Variants in EDA observed in about 807,000 individuals in gnomAD.
EDA encodes ectodysplasin A, also known as ectodysplasin-A.
Under a neutral mutation model 23.6 loss-of-function variants are expected in EDA, and 2 were observed. The observed-to-expected ratio is 0.08, with a 90% CI of 0.03 to 0.27. EDA has a LOEUF of 0.27. Ranked by LOEUF, EDA falls within the 10% of genes least tolerant of loss-of-function variation. EDA has a pLI of 1.00. For synonymous variants in EDA, 131 were observed against 132.0 expected, an observed-to-expected ratio of 0.99 and a Z score of 0.05; for missense variants, 229 against 324.2, an observed-to-expected ratio of 0.71 and a Z score of 2.26.
chrX:69,931,122 A>G (rs1423557764), intron 1 of EDA, among the ~76,000 whole-genome samples: 3 of 111,485 alleles, frequency 2.7e-5, no homozygotes, highest in African/African-American at 9.8e-5. Context: ...GGCTTATTAG[A>G]AAGCTACAGT....
rs754347108 is a variant in EDA, at chrX:69,681,501, C to T, written c.396+64797C>T. On this transcript the variant is annotated intron_variant, in intron 1 of 7. Coordinates refer to ENST00000374552, the MANE Select transcript of EDA (RefSeq NM_001399.5). ...GGTCTTTTCACATAGTCCCATATTT[C>T]TTGGAGGCTTTGCTCGTTTCTTTTT... Among the ~76,000 whole-genome samples, 3 of 111,383 alleles carry T rather than the reference C, an allele frequency of 2.7e-5. No homozygotes were observed. The South Asian group carries it at 1.2e-3, about 43-fold the overall frequency.
intron 2 of EDA, among the ~76,000 whole-genome samples, chrX:69,960,374 A>G (rs2019081816): frequency 9.0e-6 from 1 of 111,587 alleles, no homozygotes; most frequent in African/African-American, 3.3e-5. Flanking sequence ...TTCAGGAACT[A>G]AACAGGTAGA....
intron 1 of EDA, among the ~76,000 whole-genome samples, chrX:69,943,673 T>C (rs1004759204): frequency 1.0e-4 from 11 of 110,522 alleles, no homozygotes; most frequent in African/African-American, 3.0e-4. Context: ...AACCACTGCC[T>C]GGCTACTGCC....
chrX:69,905,873 A>G (rs942082037), intron 1 of EDA, among the ~76,000 whole-genome samples: 9 of 111,122 alleles, frequency 8.1e-5, no homozygotes, highest in Non-Finnish European at 3.8e-5. Flanking sequence ...ACTGCTATAA[A>G]TTTCCATATC....
intron 1 of EDA, among the ~76,000 whole-genome samples, chrX:69,800,083 A>T (rs1308374971): frequency 8.9e-6 from 1 of 111,763 alleles, no homozygotes; most frequent in Admixed American, 9.5e-5. Context: ...TTGAAACTGG[A>T]GGTCATTATG....
At chrX:69,689,378 C>A (rs1934640148) in intron 1 of EDA, among the ~76,000 whole-genome samples, 1 of 107,065 alleles carries the variant, frequency 9.3e-6, no homozygotes, top group Admixed American at 1.0e-4. Flanking sequence ...TCACTGCAAA[C>A]TCCGCTTCCT....
intron 1 of EDA, among the ~76,000 whole-genome samples, chrX:69,920,443 G>A (rs1366303753): frequency 1.8e-5 from 2 of 111,068 alleles, no homozygotes; most frequent in East Asian, 5.6e-4. Context: ...TTCCATCCAA[G>A]ATGCCACAGT....
At chrX:69,783,508 A>T (rs750648254) in intron 1 of EDA, among the ~76,000 whole-genome samples, 1 of 102,397 alleles carries the variant, frequency 9.8e-6, no homozygotes, top group Admixed American at 1.1e-4. Context: ...TCATTGTTCA[A>T]TTCCCACCTA....
At chrX:69,732,840 C>T (rs2013092753) in intron 1 of EDA, among the ~76,000 whole-genome samples, 1 of 112,310 alleles carries the variant, frequency 8.9e-6, no homozygotes, top group Non-Finnish European at 1.9e-5. Flanking sequence ...TTGCATTTCT[C>T]TAATGGCCAG....
At chrX:70,022,287 T>C (rs891725822) in intron 2 of EDA, among the ~76,000 whole-genome samples, 1 of 111,551 alleles carries the variant, frequency 9.0e-6, no homozygotes, top group Non-Finnish European at 1.9e-5. Context: ...GTGATTTCAC[T>C]GCCAATGAAA....
At chrX:69,897,629 A>T (rs1016419550) in intron 1 of EDA, among the ~76,000 whole-genome samples, 7 of 111,768 alleles carry the variant, frequency 6.3e-5, no homozygotes, top group Non-Finnish European at 1.1e-4. Context: ...TTCTTGAGAG[A>T]TAGATGTTTA....
chrX:69,839,445 CTAAT>C (rs1331623843), intron 1 of EDA, among the ~76,000 whole-genome samples: 2 of 112,145 alleles, frequency 1.8e-5, no homozygotes, highest in Non-Finnish European at 3.8e-5. Context: ...GCTTAGCTAA[CTAAT>C]TGAGAGAAAG....
At chrX:69,983,546 G>A (rs200695936) in intron 2 of EDA, among the ~76,000 whole-genome samples, 1,208 of 19,510 alleles carry the variant, frequency 0.062, 172 homozygotes, top group East Asian at 0.59. Flanking sequence ...TGAAATTCTG[G>A]GTTGAAAATT....
At chrX:69,688,601 A>G (rs1353449434) in intron 1 of EDA, among the ~76,000 whole-genome samples, 1 of 110,843 alleles carries the variant, frequency 9.0e-6, no homozygotes, top group East Asian at 2.9e-4. Flanking sequence ...GGGTTTTGCT[A>G]TGTTGGCCAG....
chrX:69,699,356 A>C (rs1052652490), intron 1 of EDA, among the ~76,000 whole-genome samples: 2 of 110,857 alleles, frequency 1.8e-5, no homozygotes, highest in African/African-American at 3.3e-5. Context: ...AAGAGGAGAG[A>C]AGAAGGACAG....
chrX:69,817,601 C>A (rs1293094114), intron 1 of EDA, among the ~76,000 whole-genome samples: 1 of 111,869 alleles, frequency 8.9e-6, no homozygotes, highest in East Asian at 2.8e-4. Context: ...TTTAAACCAA[C>A]CAAGATTTTA....
chrX:69,945,858 G>A (rs1192352547), intron 1 of EDA, among the ~76,000 whole-genome samples: 2 of 111,607 alleles, frequency 1.8e-5, no homozygotes, highest in African/African-American at 6.5e-5. Context: ...GAAAAAAATT[G>A]TCTCTCAAGA....
At chrX:69,972,857 T>C (rs1468417641) in intron 2 of EDA, among the ~76,000 whole-genome samples, 1 of 111,879 alleles carries the variant, frequency 8.9e-6, no homozygotes, top group Non-Finnish European at 1.9e-5. Flanking sequence ...GCCTTCCAAC[T>C]ACCTATTGCT....
At chrX:69,921,607 A>G (rs908738141) in intron 1 of EDA, among the ~76,000 whole-genome samples, 64 of 110,609 alleles carry the variant, frequency 5.8e-4, no homozygotes, top group African/African-American at 2.0e-3. Flanking sequence ...TGTGGGGACA[A>G]CTTTATCAAA....
Sources: allele counts gnomAD v4.1 joint callset (sites outside exome capture counted in the v4.1 genomes callset), GRCh38; gene constraint gnomAD v4.1.1; transcripts MANE v1.5; gene names NCBI Gene and HGNC (gene_info 2026-07-23, HGNC 2026-07-21).